The following INPP4B variants were observed in gnomAD, a reference collection of about 807,000 sequenced individuals.
INPP4B encodes the protein inositol polyphosphate-4-phosphatase type II B.
A neutral mutation model predicts 122.5 loss-of-function variants in INPP4B; 55 were observed. That is an observed-to-expected ratio of 0.45 (90% CI 0.36 to 0.56). The LOEUF (loss-of-function observed/expected upper bound fraction) is 0.56, where lower values mean the gene tolerates loss of function less well. Ranked by LOEUF, INPP4B falls within the 20% of genes least tolerant of loss-of-function variation. The probability of loss-of-function intolerance (pLI) is 0.00; values close to 1 mark genes in which losing one functional copy is unlikely to be tolerated. For synonymous variants in INPP4B, 403 were observed against 388.7 expected (o/e 1.04, Z -0.43); for missense variants, 1,000 against 1,097.7 (o/e 0.91, Z 1.26).
At chr4:142,437,457 C>G (rs78184898) in intron 3 of INPP4B, among the ~76,000 whole-genome samples, 5,726 of 152,094 alleles carry the variant, frequency 0.038, 139 homozygotes, top group Middle Eastern at 0.082. Context: ...CACATAATCA[C>G]CATATTCTCC....
At chr4:142,032,724 C>CA (rs111840733) in intron 25 of INPP4B, among the ~76,000 whole-genome samples, 16,224 of 152,206 alleles carry the variant, frequency 0.11, 1,545 homozygotes, top group African/African-American at 0.26. Context: ...TTCAGTATGT[C>CA]TGTCTCTATT....
chr4:142,284,530 G>A (rs1752637948), intron 9 of INPP4B, among the ~76,000 whole-genome samples: 1 of 152,124 alleles, frequency 6.6e-6, no homozygotes, highest in Non-Finnish European at 1.5e-5. Context: ...AGATAAATCA[G>A]CTGATAGGTT....
At chr4:142,522,655 A>G (rs1826252466) in intron 2 of INPP4B, among the ~76,000 whole-genome samples, 1 of 152,048 alleles carries the variant, frequency 6.6e-6, no homozygotes, top group Non-Finnish European at 1.5e-5. Flanking sequence ...GCTTAATCAT[A>G]CAAGAAGGGC....
intron 15 of INPP4B, among the ~76,000 whole-genome samples, chr4:142,176,403 C>A (rs113782957): frequency 7.9e-5 from 12 of 151,974 alleles, no homozygotes; most frequent in African/African-American, 2.9e-4. Flanking sequence ...TCTGGCCTCT[C>A]ATACACTCAC....
chr4:142,797,287 C>T (rs1310728902), intron 1 of INPP4B, among the ~76,000 whole-genome samples: 1 of 151,954 alleles, frequency 6.6e-6, no homozygotes, highest in Non-Finnish European at 1.5e-5. Flanking sequence ...TCTAAAATCT[C>T]TATTCTTAGA....
At chr4:142,397,671 C>T (rs1366234548) in intron 7 of INPP4B, among the ~76,000 whole-genome samples, 7 of 151,590 alleles carry the variant, frequency 4.6e-5, no homozygotes, top group African/African-American at 9.7e-5. Context: ...ACCCCCGTCT[C>T]TACTAAAATA....
intron 2 of INPP4B, among the ~76,000 whole-genome samples, chr4:142,584,504 C>T (rs1735751134): frequency 6.6e-6 from 1 of 152,096 alleles, no homozygotes; most frequent in Admixed American, 6.6e-5. Context: ...AGTTTTAGGA[C>T]TGGTCAATTA....
At chr4:142,567,043 G>A (rs1211233608) in intron 2 of INPP4B, among the ~76,000 whole-genome samples, 1 of 152,052 alleles carries the variant, frequency 6.6e-6, no homozygotes, top group Non-Finnish European at 1.5e-5. Flanking sequence ...TACACATCAG[G>A]TATCTGATCC....
At chr4:142,651,804 C>G (rs945331242) in intron 2 of INPP4B, among the ~76,000 whole-genome samples, 6 of 152,196 alleles carry the variant, frequency 3.9e-5, no homozygotes, top group Non-Finnish European at 8.8e-5. Context: ...CATAGAGGAG[C>G]TGGTACCATT....
intron 24 of INPP4B, among the ~76,000 whole-genome samples, chr4:142,084,509 C>T (rs1452618193): frequency 6.6e-6 from 1 of 152,024 alleles, no homozygotes; most frequent in African/African-American, 2.4e-5. Flanking sequence ...AAAATAAAAA[C>T]AAATATTAAC....
At chr4:142,213,206 C>G (rs1264954147) in intron 12 of INPP4B, among the ~76,000 whole-genome samples, 1 of 152,164 alleles carries the variant, frequency 6.6e-6, no homozygotes, top group Non-Finnish European at 1.5e-5. Context: ...ATAATTCACC[C>G]ACTTAGGACA....
intron 7 of INPP4B, among the ~76,000 whole-genome samples, chr4:142,364,141 A>ATAGGACTT (rs1786546241): frequency 6.6e-6 from 1 of 152,068 alleles, no homozygotes; most frequent in Non-Finnish European, 1.5e-5. Context: ...AAAATCTTCA[A>ATAGGACTT]TAGGACTTCT....
intron 21 of INPP4B, among the ~76,000 whole-genome samples, chr4:142,119,893 C>T (rs1373176655): frequency 2.7e-5 from 4 of 148,406 alleles, no homozygotes; most frequent in South Asian, 2.1e-4. Flanking sequence ...CGTATATATA[C>T]GTGTGTATAT....
intron 10 of INPP4B, among the ~76,000 whole-genome samples, chr4:142,263,637 AAAATATATATATATATATATATAT>A (rs1166536990): frequency 2.4e-5 from 1 of 42,216 alleles, no homozygotes; most frequent in Non-Finnish European, 5.4e-5. Context: ...ATAAATTCGT[AAAATATATATATATATATATATAT>A]ATATATATAT....
chr4:142,209,015 A>G lies in INPP4B; in HGVS notation c.848T>C (p.Ile283Thr). 6.2e-7 allele frequency: 1 copy of G among 1,602,826 alleles called. No individual in the cohort carries two copies. Among genetic ancestry groups the G allele is most frequent in the East Asian group, 2.2e-5 (1 of 44,658 alleles). The change falls in exon 13 of 26, where the codon ATA becomes ACA. Residue 283 changes from isoleucine (I) to threonine (T), a missense_variant. Coordinates refer to ENST00000262992, the MANE Select transcript of INPP4B (RefSeq NM_001101669.3). ...TGGAGAAAGCTCACCAAGTTCTTTT[A>G]TCTCCTGGTTTCTGTTAAGAGTGGA... The part of the protein sequence containing the change: ...IKEDLCRNQE[I>T]KELGELSPHW...
intron 1 of INPP4B, among the ~76,000 whole-genome samples, chr4:142,797,857 A>G (rs1158957919): frequency 6.6e-6 from 1 of 151,998 alleles, no homozygotes; most frequent in Non-Finnish European, 1.5e-5. Context: ...TTTATCTGCC[A>G]TATACTCCTC....
At chr4:142,840,228 T>A (rs1783311985) in intron 1 of INPP4B, among the ~76,000 whole-genome samples, 1 of 152,118 alleles carries the variant, frequency 6.6e-6, no homozygotes, top group Admixed American at 6.5e-5. Context: ...GTCATTGAGG[T>A]AATTTGCACT....
intron 2 of INPP4B, among the ~76,000 whole-genome samples, chr4:142,527,525 CA>C (rs1827087460): frequency 6.6e-6 from 1 of 152,066 alleles, no homozygotes; most frequent in Non-Finnish European, 1.5e-5. Flanking sequence ...AACGTTTCAA[CA>C]GTCATGAATT....
intron 14 of INPP4B, among the ~76,000 whole-genome samples, chr4:142,204,684 A>G (rs1481750138): frequency 6.6e-6 from 1 of 152,102 alleles, no homozygotes; most frequent in Non-Finnish European, 1.5e-5. Flanking sequence ...ATTTGGATAC[A>G]GAAACAGACA....
Sources: gnomAD v4.1 joint callset for allele counts (sites outside exome capture counted in the v4.1 genomes callset) on GRCh38, gnomAD v4.1.1 for gene constraint, MANE v1.5 for transcripts, NCBI Gene and HGNC (gene_info 2026-07-23, HGNC 2026-07-21) for gene names.